Variants in PCDHB1 observed in about 807,000 individuals in gnomAD.
The protein encoded by PCDHB1 is protocadherin beta 1, also known as protocadherin beta-1.
Under a neutral mutation model 43.5 loss-of-function variants are expected in PCDHB1, and 44 were observed. That is an observed-to-expected ratio of 1.01 (90% CI 0.79 to 1.30). The LOEUF (loss-of-function observed/expected upper bound fraction) is 1.30. Among genes scored for constraint, PCDHB1 ranks in the 50% most tolerant of loss-of-function variants. The pLI, the probability that PCDHB1 is intolerant of heterozygous loss-of-function variation, is 0.00. For missense variants in PCDHB1, 919 were observed against 1,008.9 expected, an observed-to-expected ratio of 0.91 and a Z score of 1.21; for synonymous variants, 392 against 400.8, an observed-to-expected ratio of 0.98 and a Z score of 0.26.
rs1450639913 is a variant in PCDHB1, at chr5:141,058,685, T to C, written c.*4758T>C. 2 of 152,216 alleles carry C rather than the reference T, an allele frequency of 1.3e-5. No individual in the cohort carries two copies. The highest frequency in any genetic ancestry group is 4.8e-5 in the African/African-American group (2 of 41,470). The allele number at this position is 152,216 out of a possible 1,614,324, so 9.4% of individuals were successfully genotyped here. On this transcript the variant is annotated 3_prime_UTR_variant, in exon 1 of 1. Transcript: ENST00000306549. ...ACACTTGGGGGATATGCTTTGAAAC[T>C]ATGCAAATATGATGTTTCTGCTTAA... is the stretch of plus-strand genomic sequence containing the variant.
chr5:141,052,823 A>G lies in PCDHB1; in HGVS notation c.1353A>G (p.Ile451Met). ...LISDVNDNPP[I>M]FREDSYILTV... is the part of the protein sequence containing the mutation. The stretch of plus-strand genomic sequence containing the variant: ...CCGACGTTAATGACAATCCTCCAAT[A>G]TTTCGGGAAGATTCCTATATCTTGA... The change falls in exon 1 of 1, where the codon ATA (isoleucine) becomes ATG (methionine). Residue 451 changes from isoleucine to methionine, a missense_variant. Physicochemically the swap from Ile to Met is conservative, Grantham distance 10. Coordinates refer to ENST00000306549, the MANE Select transcript of PCDHB1 (RefSeq NM_013340.4). 6.2e-7 allele frequency: 1 copy of G among 1,614,096 alleles called. No homozygotes were observed. The highest frequency in any genetic ancestry group is 2.2e-5 in the East Asian group (1 of 44,884).
rs782820854 is a variant in PCDHB1, at chr5:141,052,167, C to A, written c.697C>A (p.Leu233Met). ...CACAGCTCACATCCACGTGGTGGTT[C>A]TGGATGTCAACGACCACGTGCCCCA... ...SGTAHIHVVV[L>M]DVNDHVPQFS... Residue 233 changes from leucine to methionine, a missense_variant, in exon 1 of 1, where the codon CTG becomes ATG. By Grantham distance (15) the Leu-to-Met change is conservative (BLOSUM62 2). Transcript: ENST00000306549. 6.2e-7 allele frequency: 1 copy of A among 1,613,952 alleles called. No individual in the cohort carries two copies.
At position 141,054,029 on chromosome 5, in the gene PCDHB1, G is replaced by A; in HGVS notation, c.*102G>A. 3.1e-6 allele frequency: 3 copies of A among 957,982 alleles called. No individual in the cohort carries two copies. The highest frequency in any genetic ancestry group is 4.7e-6 in the Non-Finnish European group (3 of 645,108). 59.3% of individuals were successfully genotyped at this position (957,982 alleles called of 1,614,324 possible). A position where few individuals can be genotyped will look rare whatever the true frequency, so the allele number is the denominator to read the frequency against. ...AAACAAAAACTGGTAGTAGATTGCA[G>A]CTTTAGTAAAGATAAGAGTACTTAG... is the stretch of plus-strand genomic sequence containing the variant. On this transcript the variant is annotated 3_prime_UTR_variant, in exon 1 of 1. Transcript: ENST00000306549.
Position 141,054,206 on chromosome 5 carries a change from C to A in PCDHB1, c.*279C>A, listed in dbSNP as rs1751074002. 1 of 316,508 alleles carries A rather than the reference C, an allele frequency of 3.2e-6. No individual in the cohort carries two copies. Among genetic ancestry groups the A allele is most frequent in the African/African-American group, 2.1e-5 (1 of 48,036 alleles). The allele number at this position is 316,508 out of a possible 1,614,324, so 19.6% of individuals were successfully genotyped here. ...TCTATAAATGCATATGTGGTAGGAA[C>A]TTCTGCTTTTCCATCTCTGTGCTAG... is the stretch of plus-strand genomic sequence containing the variant. On this transcript the variant is annotated 3_prime_UTR_variant, in exon 1 of 1. Coordinates refer to ENST00000306549, the MANE Select transcript of PCDHB1 (RefSeq NM_013340.4).
In PCDHB1 at chr5:141,051,895, T is replaced by A; in HGVS notation, c.425T>A (p.Ile142Asn). Residue 142 changes from isoleucine to asparagine, a missense_variant, in exon 1 of 1, where the codon ATT (isoleucine) becomes AAT (asparagine). Transcript: ENST00000306549. ...CTAAACAAGGAGCCGCTTTTAAAGA[T>A]TCCGGAGAGCACCCCTTTGGGTTCA... ...VFLNKEPLLK[I>N]PESTPLGSRF... 1 of 1,614,170 alleles carries A rather than the reference T, an allele frequency of 6.2e-7. No homozygotes were observed. The highest frequency in any genetic ancestry group is 1.3e-5 in the African/African-American group (1 of 75,058).
chr5:141,057,865 A>C lies in PCDHB1; in HGVS notation c.*3938A>C, dbSNP rs553230162. On this transcript the variant is annotated 3_prime_UTR_variant, in exon 1 of 1. Coordinates refer to ENST00000306549, the MANE Select transcript of PCDHB1 (RefSeq NM_013340.4). ...AGTCCAGGTCTCTATCAGCAAATTA[A>C]GACAAAGAATGGAAATAATTAGGGC... is the stretch of plus-strand genomic sequence containing the variant. The C allele has an allele frequency of 4.9e-4, 74 of 152,318 alleles. No homozygotes were observed. The highest frequency in any genetic ancestry group is 1.6e-3 in the African/African-American group (68 of 41,574). The allele number at this position is 152,318 out of a possible 1,614,324, so 9.4% of individuals were successfully genotyped here. A position where few individuals can be genotyped will look rare whatever the true frequency, so the allele number is the denominator to read the frequency against.
rs1588285591 is a variant in PCDHB1 at position 141,054,701 on chromosome 5, T to TG, written c.*774_*775insG. 6.7e-6 allele frequency: 1 copy of TG among 148,392 alleles called. No individual in the cohort carries two copies. The highest frequency in any genetic ancestry group is 2.5e-5 in the African/African-American group (1 of 40,044). The allele number at this position is 148,392 out of a possible 1,614,324, so 9.2% of individuals were successfully genotyped here. A position where few individuals can be genotyped will look rare whatever the true frequency, so the allele number is the denominator to read the frequency against. On this transcript the variant is annotated 3_prime_UTR_variant, in exon 1 of 1. Coordinates refer to ENST00000306549, the MANE Select transcript of PCDHB1 (RefSeq NM_013340.4). ...ATGTAGTTGTTTTTTTTTTTTTTTT[T>TG]TTTTTTTTTGAGACGGAGTTTTTCT...
rs1435672161 is a variant in PCDHB1 at position 141,058,379 on chromosome 5, G to A, written c.*4452G>A. On this transcript the variant is annotated 3_prime_UTR_variant, in exon 1 of 1. Transcript: ENST00000306549. ...TTTGTTTTCTCATTATTAAACTGAGGTAATGCATTATTGGGAAAAATACTG... is the reference window on the plus strand; with the variant it reads ...TTTGTTTTCTCATTATTAAACTGAGATAATGCATTATTGGGAAAAATACTG... 6.6e-6 allele frequency: 1 copy of A among 152,128 alleles called. No homozygotes were observed. Among genetic ancestry groups the A allele is most frequent in the South Asian group, 2.1e-4 (1 of 4,832 alleles). The allele number at this position is 152,128 out of a possible 1,614,324, so 9.4% of individuals were successfully genotyped here.
Position 141,054,685 on chromosome 5 carries a change from T to A in PCDHB1, c.*758T>A. The A allele has an allele frequency of 3.9e-5, 1 of 25,932 alleles. No individual in the cohort carries two copies. The highest frequency in any genetic ancestry group is 2.2e-4 in the African/African-American group (1 of 4,600). The allele number at this position is 25,932 out of a possible 1,614,324, so 1.6% of individuals were successfully genotyped here. A position where few individuals can be genotyped will look rare whatever the true frequency, so the allele number is the denominator to read the frequency against. Reference sequence around the variant, plus strand: ...TCCAAAATTAAATTAGATGTAGTTGTTTTTTTTTTTTTTTTTTTTTTTTTT... The same window carrying A: ...TCCAAAATTAAATTAGATGTAGTTGATTTTTTTTTTTTTTTTTTTTTTTTT... On this transcript the variant is annotated 3_prime_UTR_variant, in exon 1 of 1. Coordinates refer to ENST00000306549, the MANE Select transcript of PCDHB1 (RefSeq NM_013340.4).
Position 141,052,254 on chromosome 5 carries a change from G to GT in PCDHB1, c.784_785insT (p.Ala262ValfsTer34). 1 of 1,614,182 alleles carries GT rather than the reference G, an allele frequency of 6.2e-7. No homozygotes were observed. The highest frequency in any genetic ancestry group is 8.5e-7 in the Non-Finnish European group (1 of 1,180,028). ...GAACAGCCCCAATGGCTCTTTGGTGGCCACGGTGACTGCCGTGGACCTAGA... is the reference window on the plus strand; with the variant it reads ...GAACAGCCCCAATGGCTCTTTGGTGGTCCACGGTGACTGCCGTGGACCTAGA... On this transcript the variant is annotated frameshift_variant, in exon 1 of 1. Transcript: ENST00000306549. LOFTEE classifies it high-confidence loss of function.
rs1016892101 is a variant in PCDHB1, at chr5:141,051,426, C to G, written c.-45C>G. 2 of 1,596,318 alleles carry G rather than the reference C, an allele frequency of 1.3e-6. No individual in the cohort carries two copies. Among genetic ancestry groups the G allele is most frequent in the Non-Finnish European group, 1.7e-6 (2 of 1,167,128 alleles). On this transcript the variant is annotated 5_prime_UTR_variant, in exon 1 of 1. Coordinates refer to ENST00000306549, the MANE Select transcript of PCDHB1 (RefSeq NM_013340.4). Reference sequence around the variant, plus strand: ...TGTTGCAGAAAAGTGAAAGTATATCCGCAACAGTTGGCTCTGATTGCAGAG... The same window carrying G: ...TGTTGCAGAAAAGTGAAAGTATATCGGCAACAGTTGGCTCTGATTGCAGAG...
rs892767502 is a variant in PCDHB1, at chr5:141,051,586, T to C, written c.116T>C (p.Met39Thr). 3.7e-6 allele frequency: 6 copies of C among 1,614,026 alleles called. No individual in the cohort carries two copies. The highest frequency in any genetic ancestry group is 4.2e-6 in the Non-Finnish European group (5 of 1,180,036). The change falls in exon 1 of 1, where the codon ATG (methionine) becomes ACG (threonine). Residue 39 changes from methionine to threonine, a missense_variant. Physicochemically the swap from Met to Thr is moderately conservative, Grantham distance 81. Coordinates refer to ENST00000306549, the MANE Select transcript of PCDHB1 (RefSeq NM_013340.4). Reference sequence around the variant, plus strand: ...ATCCGCTATTCAGTGGCAGAGGAAATGGAGAGCGGCTCGTTTGTGGCCAAC... The same window carrying C: ...ATCCGCTATTCAGTGGCAGAGGAAACGGAGAGCGGCTCGTTTGTGGCCAAC... ...TTIRYSVAEE[M>T]ESGSFVANVA...
chr5:141,051,689 G>A lies in PCDHB1; in HGVS notation c.219G>A (p.Met73Ile), dbSNP rs1750973565. ...GARLVSEGNK[M>I]HFRLHRKTGD... Reference sequence around the variant, plus strand: ...GGCTGGTTTCCGAGGGCAACAAAATGCATTTCCGGCTCCACCGCAAGACGG... The same window carrying A: ...GGCTGGTTTCCGAGGGCAACAAAATACATTTCCGGCTCCACCGCAAGACGG... Residue 73 changes from methionine to isoleucine, a missense_variant, in exon 1 of 1, where the codon ATG becomes ATA. Physicochemically the swap from Met to Ile is conservative, Grantham distance 10. Transcript: ENST00000306549. 6.2e-7 allele frequency: 1 copy of A among 1,614,054 alleles called. No individual in the cohort carries two copies. Among genetic ancestry groups the A allele is most frequent in the South Asian group, 1.1e-5 (1 of 91,086 alleles).
At position 141,051,967 on chromosome 5, in the gene PCDHB1, G is replaced by T; in HGVS notation, c.497G>T (p.Gly166Val). The change falls in exon 1 of 1, where the codon GGT becomes GTT. Residue 166 changes from glycine to valine, a missense_variant. Physicochemically the swap from Gly to Val is moderately radical, Grantham distance 109 (BLOSUM62 -3). Coordinates refer to ENST00000306549, the MANE Select transcript of PCDHB1 (RefSeq NM_013340.4). ...SAQDLDVGLN[G>V]LQNYTLSANG... ...CAGGATCTGGACGTGGGCCTTAACG[G>T]TCTCCAGAACTACACCCTGAGTGCC... 1 of 1,614,084 alleles carries T rather than the reference G, an allele frequency of 6.2e-7. No homozygotes were observed. Among genetic ancestry groups the T allele is most frequent in the Non-Finnish European group, 8.5e-7 (1 of 1,180,018 alleles).
In PCDHB1 at chr5:141,055,459, C is replaced by T. The variant is rs1751113417; in HGVS notation, c.*1532C>T. ...AAATAAATACATAAATACATAAATA[C>T]ATAAGGCCTGCTGTAGTTAATAAGT... On this transcript the variant is annotated 3_prime_UTR_variant, in exon 1 of 1. Transcript: ENST00000306549. 1.3e-5 allele frequency: 2 copies of T among 152,106 alleles called. No individual in the cohort carries two copies. The highest frequency in any genetic ancestry group is 6.6e-5 in the Admixed American group (1 of 15,264). 9.4% of individuals were successfully genotyped at this position (152,106 alleles called of 1,614,324 possible).
At position 141,054,603 on chromosome 5, in the gene PCDHB1, T is replaced by C. The variant is rs1216100926; in HGVS notation, c.*676T>C. 2 of 152,030 alleles carry C rather than the reference T, an allele frequency of 1.3e-5. No individual in the cohort carries two copies. Among genetic ancestry groups the C allele is most frequent in the African/African-American group, 4.8e-5 (2 of 41,394 alleles). 9.4% of individuals were successfully genotyped at this position (152,030 alleles called of 1,614,324 possible). A position where few individuals can be genotyped will look rare whatever the true frequency, so the allele number is the denominator to read the frequency against. On this transcript the variant is annotated 3_prime_UTR_variant, in exon 1 of 1. Transcript: ENST00000306549. ...GGAGAAAGAAAAGGATTTCACTTATTTGCAAATGTGAATAAGGGCAGACAT... is the reference window on the plus strand; with the variant it reads ...GGAGAAAGAAAAGGATTTCACTTATCTGCAAATGTGAATAAGGGCAGACAT...
chr5:141,052,018 G>A lies in PCDHB1; in HGVS notation c.548G>A (p.Arg183His), dbSNP rs1441377527. ...SANGYFHLHTRFCSHGPKYAE... is the reference protein window; with the variant it reads ...SANGYFHLHTHFCSHGPKYAE... The stretch of plus-strand genomic sequence containing the variant: ...AATGGGTATTTCCACCTGCACACCC[G>A]CTTCTGCAGCCACGGGCCTAAATAT... Residue 183 changes from arginine (R) to histidine (H), a missense_variant, in exon 1 of 1, where the codon CGC (arginine) becomes CAC (histidine). Transcript: ENST00000306549. 2 of 1,614,104 alleles carry A rather than the reference G, an allele frequency of 1.2e-6. No individual in the cohort carries two copies. The highest frequency in any genetic ancestry group is 8.5e-7 in the Non-Finnish European group (1 of 1,180,026).
chr5:141,053,870 T>C lies in PCDHB1; in HGVS notation c.2400T>C (p.Asp800=), dbSNP rs781904410. The C allele has an allele frequency of 3.7e-5, 59 of 1,614,088 alleles. No individual in the cohort carries two copies. Among genetic ancestry groups the C allele is most frequent in the Non-Finnish European group, 4.6e-5 (54 of 1,180,030 alleles). The change falls in exon 1 of 1, where the codon GAT becomes GAC. Residue 800 remains aspartate (D), a synonymous_variant. Transcript: ENST00000306549. The part of the protein sequence containing the change: ...EAGSSLPPNS[D]RNKSQRLEGH... ...GCTCCAGTTTGCCCCCAAATTCTGATAGGAATAAGTCTCAGAGATTAGAGG... is the reference window on the plus strand; with the variant it reads ...GCTCCAGTTTGCCCCCAAATTCTGACAGGAATAAGTCTCAGAGATTAGAGG...
chr5:141,051,462 T>C lies in PCDHB1; in HGVS notation c.-9T>C, dbSNP rs782085861. The C allele has an allele frequency of 1.4e-5, 22 of 1,613,406 alleles. No individual in the cohort carries two copies. The South Asian group carries it at 1.8e-4, about 13-fold the overall frequency. The stretch of plus-strand genomic sequence containing the variant: ...GCTCTGATTGCAGAGAGCGCGCTTG[T>C]GAGAACTGATGGCGGGTACGCGCAG... On this transcript the variant is annotated 5_prime_UTR_variant, in exon 1 of 1. Transcript: ENST00000306549.
Sources: allele counts gnomAD v4.1 joint callset, GRCh38; gene constraint gnomAD v4.1.1; transcripts MANE v1.5; gene names NCBI Gene and HGNC (gene_info 2026-07-23, HGNC 2026-07-21).